PAK2: variants seen among roughly 807,000 people sequenced by gnomAD.
PAK2 encodes p21 (RAC1) activated kinase 2.
PAK2 carries 21 observed loss-of-function variants against 65.9 expected under a neutral mutation model. The observed-to-expected ratio is 0.32, with a 90% CI of 0.23 to 0.46. The LOEUF (loss-of-function observed/expected upper bound fraction) is 0.46, where lower values mean the gene tolerates loss of function less well. Ranked by LOEUF, PAK2 falls within the 20% of genes least tolerant of loss-of-function variation. The probability of loss-of-function intolerance (pLI) is 1.00; values close to 1 mark genes in which losing one functional copy is unlikely to be tolerated. For missense variants in PAK2, 324 were observed against 642.6 expected, an observed-to-expected ratio of 0.50 and a Z score of 5.36; for synonymous variants, 204 against 219.7, an observed-to-expected ratio of 0.93 and a Z score of 0.63.
At chr3:196,802,927 T>G in intron 3 of PAK2, 90 bp from the exon 4 acceptor site, 1 of 786,194 alleles carries the variant, frequency 1.3e-6, no homozygotes, top group African/African-American at 1.8e-5. Context: ...AAAGATTGGT[T>G]TGTTTTGTGT....
intron 11 of PAK2, among the ~76,000 whole-genome samples, chr3:196,816,267 G>T (rs1405677413): frequency 6.6e-6 from 1 of 152,058 alleles, no homozygotes; most frequent in Non-Finnish European, 1.5e-5. Context: ...TGTCATTAAG[G>T]TGTTAAAAAT....
intron 1 of PAK2, among the ~76,000 whole-genome samples, chr3:196,780,554 A>G (rs898219271): frequency 7.2e-5 from 11 of 152,322 alleles, no homozygotes; most frequent in African/African-American, 2.6e-4. Context: ...ACCTCCCACC[A>G]GGTCCCTTCC....
At chr3:196,760,312 G>A (rs960107549) in intron 1 of PAK2, among the ~76,000 whole-genome samples, 30 of 151,912 alleles carry the variant, frequency 2.0e-4, no homozygotes, top group African/African-American at 6.5e-4. Context: ...GCACACTGGC[G>A]CGATCTCAGC....
intron 1 of PAK2, among the ~76,000 whole-genome samples, chr3:196,763,331 G>C (rs553728270): frequency 6.6e-6 from 1 of 152,296 alleles, no homozygotes; most frequent in African/African-American, 2.4e-5. Context: ...CCCTATTGGA[G>C]TCTGATGCTG....
intron 1 of PAK2, among the ~76,000 whole-genome samples, chr3:196,766,051 C>A (rs913439558): frequency 6.6e-6 from 1 of 151,936 alleles, no homozygotes; most frequent in African/African-American, 2.4e-5. Context: ...TGAGCACCAC[C>A]ATGCCCACCT....
At position 196,829,974 on chromosome 3, in the gene PAK2, G is replaced by A. The variant is rs932317929; in HGVS notation, c.*1569G>A. ...ATTCATTGTTTTGCTTTTGGAGTGG[G>A]TGTTGTTCAAGTATCTGTGGTTTGG... On this transcript the variant is annotated 3_prime_UTR_variant, in exon 15 of 15. Coordinates refer to ENST00000327134, the MANE Select transcript of PAK2 (RefSeq NM_002577.4). 1 of 151,534 alleles carries A rather than the reference G, an allele frequency of 6.6e-6. No individual in the cohort carries two copies. Among genetic ancestry groups the A allele is most frequent in the African/African-American group, 2.4e-5 (1 of 41,186 alleles). The allele number at this position is 151,534 out of a possible 1,614,324, so 9.4% of individuals were successfully genotyped here. A position where few individuals can be genotyped will look rare whatever the true frequency, so the allele number is the denominator to read the frequency against.
At chr3:196,770,842 C>A (rs930565269) in intron 1 of PAK2, among the ~76,000 whole-genome samples, 3 of 152,124 alleles carry the variant, frequency 2.0e-5, no homozygotes, top group Admixed American at 1.3e-4. Flanking sequence ...AGGCTGGTCT[C>A]AAACTCCTGA....
intron 14 of PAK2, 45 bp downstream of exon 14, chr3:196,827,378 TG>T: frequency 6.3e-7 from 1 of 1,579,772 alleles, no homozygotes; most frequent in Non-Finnish European, 8.6e-7. Flanking sequence ...TTGACTTTTT[TG>T]GTAACCGACA....
chr3:196,794,803 C>A (rs1715195372), intron 2 of PAK2, among the ~76,000 whole-genome samples: 2 of 152,164 alleles, frequency 1.3e-5, no homozygotes. Context: ...GCCACCCTTC[C>A]TGTACTGCTA....
intron 2 of PAK2, among the ~76,000 whole-genome samples, chr3:196,794,592 G>T (rs749914978): frequency 2.6e-5 from 4 of 152,198 alleles, no homozygotes; most frequent in Non-Finnish European, 5.9e-5. Flanking sequence ...CAGGAGGCCT[G>T]TCCCTGCCTT....
intron 2 of PAK2, among the ~76,000 whole-genome samples, chr3:196,794,452 C>T (rs1426247357): frequency 6.6e-6 from 1 of 152,232 alleles, no homozygotes; most frequent in African/African-American, 2.4e-5. Flanking sequence ...ACTTCCGTAT[C>T]TGCAACACCC....
intron 4 of PAK2, 54 bp downstream of exon 4, chr3:196,803,218 A>G: frequency 3.6e-6 from 5 of 1,376,668 alleles, no homozygotes; most frequent in Admixed American, 4.7e-5. Flanking sequence ...GCACTTCTAG[A>G]TAAAAAGATT....
intron 1 of PAK2, among the ~76,000 whole-genome samples, chr3:196,753,926 T>G (rs1560090754): frequency 6.6e-6 from 1 of 152,214 alleles, no homozygotes; most frequent in Non-Finnish European, 1.5e-5. Context: ...ATTACTTTTG[T>G]TTCAATTGTT....
intron 1 of PAK2, 56 bp from the exon 2 acceptor site, chr3:196,782,570 T>A: frequency 2.5e-6 from 2 of 796,584 alleles, no homozygotes; most frequent in South Asian, 3.7e-5. Flanking sequence ...TTACTGTTTT[T>A]TGCTTGTTCG....
chr3:196,784,666 G>A (rs1419393475), intron 2 of PAK2, among the ~76,000 whole-genome samples: 1 of 144,178 alleles, frequency 6.9e-6, no homozygotes, highest in Non-Finnish European at 1.5e-5. Context: ...TTGCTATTGT[G>A]AATAATGCCG....
chr3:196,768,361 T>C (rs1393064201), intron 1 of PAK2, among the ~76,000 whole-genome samples: 2 of 152,084 alleles, frequency 1.3e-5, no homozygotes, highest in Non-Finnish European at 2.9e-5. Context: ...ATATTAGTTT[T>C]CTGTTCAGTA....
chr3:196,821,090 C>G (rs1181434604), intron 13 of PAK2, among the ~76,000 whole-genome samples: 1 of 152,150 alleles, frequency 6.6e-6, no homozygotes, highest in South Asian at 2.1e-4. Context: ...ATCCACTCGC[C>G]TCGGCTTCCC....
intron 1 of PAK2, chr3:196,747,275 C>T (rs1027683456): frequency 6.6e-6 from 1 of 151,796 alleles, no homozygotes; most frequent in Admixed American, 6.6e-5. Context: ...GAGCGGTAAT[C>T]GCTCCTCGGA....
Position 196,768,746 on chromosome 3 carries a change from A to G in PAK2, c.-21-13880A>G, listed in dbSNP as rs568374214. On this transcript the variant is annotated intron_variant, in intron 1 of 14. Transcript: ENST00000327134. ...CGGGGTGAAATCTCGGCTCACTGCA[A>G]CCTCCTCCTCATGAGTTCAAGCGAT... 1.2e-4 allele frequency among the ~76,000 whole-genome samples: 18 copies of G among 151,370 alleles called. 1 individual carries two copies. Among genetic ancestry groups the G allele is most frequent in the South Asian group, 6.3e-4 (3 of 4,778 alleles).
Sources: gnomAD v4.1 joint callset for allele counts (sites outside exome capture counted in the v4.1 genomes callset) on GRCh38, gnomAD v4.1.1 for gene constraint, MANE v1.5 for transcripts, NCBI Gene and HGNC (gene_info 2026-07-23, HGNC 2026-07-21) for gene names.